ZNF136: variants seen among roughly 807,000 people sequenced by gnomAD.
ZNF136 encodes the protein zinc finger protein 136.
ZNF136 carries 8 observed loss-of-function variants against 11.4 expected under a neutral mutation model. The ratio of observed to expected loss-of-function variants is 0.70; its 90% CI spans 0.41 to 1.27. ZNF136 has a LOEUF of 1.27. Ranked by LOEUF, ZNF136 falls within the 50% of genes most tolerant of loss-of-function variation. The pLI, the probability that ZNF136 is intolerant of heterozygous loss-of-function variation, is 0.01. For synonymous variants in ZNF136, 190 were observed against 207.1 expected, an observed-to-expected ratio of 0.92 and a Z score of 0.71; for missense variants, 590 against 656.5, an observed-to-expected ratio of 0.90 and a Z score of 1.11.
intron 1 of ZNF136, among the ~76,000 whole-genome samples, chr19:12,169,004 G>A (rs1221745236): frequency 6.6e-6 from 1 of 152,192 alleles, no homozygotes. Context: ...TCTGAGTTCT[G>A]TTAGTAGTAC....
chr19:12,163,151 G>A lies in ZNF136; in HGVS notation c.-53G>A, dbSNP rs1599448923. Reference sequence around the variant, plus strand: ...TGGAGTCTCTGTGGCGCGGTTTCCTGTACCTGCCTTGGGATCCGGAGGGAG... The same window carrying A: ...TGGAGTCTCTGTGGCGCGGTTTCCTATACCTGCCTTGGGATCCGGAGGGAG... On this transcript the variant is annotated 5_prime_UTR_variant, in exon 1 of 4. Coordinates refer to ENST00000343979, the MANE Select transcript of ZNF136 (RefSeq NM_003437.5). 1.4e-6 allele frequency: 2 copies of A among 1,399,756 alleles called. No homozygotes were observed. Among genetic ancestry groups the A allele is most frequent in the Non-Finnish European group, 1.9e-6 (2 of 1,069,978 alleles). 86.7% of individuals were successfully genotyped at this position (1,399,756 alleles called of 1,614,324 possible).
At chr19:12,172,556 A>G (rs896922901) in intron 1 of ZNF136, among the ~76,000 whole-genome samples, 1 of 152,178 alleles carries the variant, frequency 6.6e-6, no homozygotes, top group African/African-American at 2.4e-5. Context: ...TCCGGTATCT[A>G]TTAGTGGCTA....
chr19:12,167,970 A>G (rs577657475), intron 1 of ZNF136, among the ~76,000 whole-genome samples: 3 of 150,776 alleles, frequency 2.0e-5, no homozygotes, highest in East Asian at 2.0e-4. Context: ...TCATGCAAAG[A>G]TACCTTTTCC....
chr19:12,186,101 GT>G lies in ZNF136; in HGVS notation c.131-12del. ...TTGCACTAATTCAGAATTTTTCTGGGTCTCTGTTTTAGGGAAAAAATGGAAG... is the reference window on the plus strand; with the variant it reads ...TTGCACTAATTCAGAATTTTTCTGGGCTCTGTTTTAGGGAAAAAATGGAAG... On this transcript the variant is annotated splice_polypyrimidine_tract_variant and intron_variant, in intron 2 of 3. Coordinates refer to ENST00000343979, the MANE Select transcript of ZNF136 (RefSeq NM_003437.5). The G allele has an allele frequency of 6.2e-7, 1 of 1,605,718 alleles. No homozygotes were observed. Among genetic ancestry groups the G allele is most frequent in the Non-Finnish European group, 8.5e-7 (1 of 1,177,900 alleles).
At chr19:12,176,656 A>G (rs1914801369) in intron 1 of ZNF136, among the ~76,000 whole-genome samples, 1 of 152,150 alleles carries the variant, frequency 6.6e-6, no homozygotes, top group Admixed American at 6.6e-5. Flanking sequence ...CCTTTTTTGT[A>G]ACAGATCTCC....
intron 1 of ZNF136, among the ~76,000 whole-genome samples, chr19:12,167,414 GT>G (rs1438570926): frequency 6.6e-6 from 1 of 152,212 alleles, no homozygotes; most frequent in African/African-American, 2.4e-5. Context: ...TTCAGCTAAT[GT>G]TTTATGAAGC....
intron 1 of ZNF136, among the ~76,000 whole-genome samples, chr19:12,172,735 C>T (rs758936760): frequency 2.6e-5 from 4 of 152,130 alleles, no homozygotes; most frequent in African/African-American, 2.4e-5. Flanking sequence ...TCCCAGAGGC[C>T]GGCTGTGGTG....
chr19:12,187,311 G>A lies in ZNF136; in HGVS notation c.933G>A (p.Lys311=). 1 of 1,613,958 alleles carries A rather than the reference G, an allele frequency of 6.2e-7. No homozygotes were observed. The highest frequency in any genetic ancestry group is 8.5e-7 in the Non-Finnish European group (1 of 1,179,982). ...CTGGAGAGAAACCTTATGAATGCAA[G>A]CAGTGTGGGAAGGCCTTCAGTTATC... ...THTGEKPYEC[K]QCGKAFSYLP... is the part of the protein sequence containing the mutation. The change falls in exon 4 of 4, where the codon AAG becomes AAA. Residue 311 remains lysine (K), a synonymous_variant. Coordinates refer to ENST00000343979, the MANE Select transcript of ZNF136 (RefSeq NM_003437.5).
In ZNF136 at chr19:12,188,220, A is replaced by T. The variant is rs1045727135; in HGVS notation, c.*219A>T. The T allele has an allele frequency of 2.5e-6, 1 of 406,716 alleles. No homozygotes were observed. Among genetic ancestry groups the T allele is most frequent in the Non-Finnish European group, 4.3e-6 (1 of 233,526 alleles). The allele number at this position is 406,716 out of a possible 1,614,324, so 25.2% of individuals were successfully genotyped here. On this transcript the variant is annotated 3_prime_UTR_variant, in exon 4 of 4. Coordinates refer to ENST00000343979, the MANE Select transcript of ZNF136 (RefSeq NM_003437.5). ...AACTCATCATGGAGAAAACCAAACA[A>T]ATGCTTTTTGGAAAGGAACCCATAT...
chr19:12,172,731 A>G (rs901542709), intron 1 of ZNF136, among the ~76,000 whole-genome samples: 1 of 152,152 alleles, frequency 6.6e-6, no homozygotes, highest in Non-Finnish European at 1.5e-5. Flanking sequence ...TAAATCCCAG[A>G]GGCCGGCTGT....
intron 1 of ZNF136, among the ~76,000 whole-genome samples, chr19:12,171,106 A>G (rs1255077362): frequency 1.1e-4 from 17 of 151,894 alleles, no homozygotes; most frequent in Admixed American, 1.1e-3. Context: ...AAGTGCTGGG[A>G]TTACAGGCAT....
chr19:12,186,263 C>G, intron 3 of ZNF136, 89 bp downstream of exon 3: 1 of 1,304,954 alleles, frequency 7.7e-7, no homozygotes, highest in Non-Finnish European at 1.1e-6. Context: ...ACTGATAAGC[C>G]AAGCTTCAAA....
rs563266929 is a variant in ZNF136 at position 12,180,536 on chromosome 19, G to T, written c.4-5249G>T. Among the ~76,000 whole-genome samples the T allele has an allele frequency of 4.8e-4, 73 of 152,274 alleles. 1 individual carries two copies. In the South Asian group the frequency reaches 6.4e-3, roughly 13 times the overall value. On this transcript the variant is annotated intron_variant, in intron 1 of 3. Coordinates refer to ENST00000343979, the MANE Select transcript of ZNF136 (RefSeq NM_003437.5). Reference sequence around the variant, plus strand: ...GCACTTTGAAGGAAAGTAAATGATGGTGTGAGATAATACGGAAGCTGAGGG... The same window carrying T: ...GCACTTTGAAGGAAAGTAAATGATGTTGTGAGATAATACGGAAGCTGAGGG...
chr19:12,167,848 C>T (rs1020869053), intron 1 of ZNF136, among the ~76,000 whole-genome samples: 2 of 152,172 alleles, frequency 1.3e-5, no homozygotes, highest in African/African-American at 2.4e-5. Flanking sequence ...CAAAGCCAAA[C>T]TGCTAATAAT....
chr19:12,166,659 G>T (rs1462519815), intron 1 of ZNF136, among the ~76,000 whole-genome samples: 1 of 152,164 alleles, frequency 6.6e-6, no homozygotes, highest in Admixed American at 6.6e-5. Context: ...TAAATGATTT[G>T]TTATCATAGA....
At chr19:12,168,388 G>T (rs1042218054) in intron 1 of ZNF136, among the ~76,000 whole-genome samples, 5 of 151,990 alleles carry the variant, frequency 3.3e-5, no homozygotes, top group Middle Eastern at 6.8e-3. Flanking sequence ...CCCCGTTTTT[G>T]ATCACAGTAA....
At chr19:12,176,314 T>C (rs1914791270) in intron 1 of ZNF136, among the ~76,000 whole-genome samples, 1 of 151,918 alleles carries the variant, frequency 6.6e-6, no homozygotes, top group Non-Finnish European at 1.5e-5. Context: ...GTGTATGATC[T>C]CCTGATTCAA....
chr19:12,171,025 G>A (rs1218498883), intron 1 of ZNF136, among the ~76,000 whole-genome samples: 1 of 152,010 alleles, frequency 6.6e-6, no homozygotes, highest in African/African-American at 2.4e-5. Flanking sequence ...AATAGAGACA[G>A]GGTTTCTCCA....
intron 1 of ZNF136, among the ~76,000 whole-genome samples, chr19:12,170,916 A>G (rs927642926): frequency 6.6e-6 from 1 of 151,578 alleles, no homozygotes; most frequent in African/African-American, 2.4e-5. Context: ...GCTCACTGCA[A>G]CCTCTGCTTC....
Sources: gnomAD v4.1 joint callset for allele counts (sites outside exome capture counted in the v4.1 genomes callset) on GRCh38, gnomAD v4.1.1 for gene constraint, MANE v1.5 for transcripts, NCBI Gene and HGNC (gene_info 2026-07-23, HGNC 2026-07-21) for gene names.